SLC66A2: variants seen among roughly 807,000 people sequenced by gnomAD.
SLC66A2 encodes solute carrier family 66 member 2.
SLC66A2 carries 23 observed loss-of-function variants against 25.5 expected under a neutral mutation model. That is an observed-to-expected ratio of 0.90 (90% confidence interval 0.65 to 1.28). SLC66A2 has a LOEUF of 1.28. Ranked by LOEUF, SLC66A2 falls within the 50% of genes most tolerant of loss-of-function variation. The probability of loss-of-function intolerance (pLI) is 0.00; values close to 1 mark genes in which losing one functional copy is unlikely to be tolerated. For missense variants in SLC66A2, 396 were observed against 373.1 expected (o/e 1.06, Z -0.51); for synonymous variants, 193 against 166.5 (o/e 1.16, Z -1.23).
rs369483320 is a variant in SLC66A2 at position 79,943,382 on chromosome 18, C to T, written c.284G>A (p.Cys95Tyr). 7.4e-6 allele frequency: 12 copies of T among 1,614,202 alleles called. No homozygotes were observed. In the South Asian group the frequency reaches 1.2e-4, roughly 16 times the overall value. ...CTCGTTGGCCACACGGACCTCGGTGCACAGCTTCAGCATCAGCAGCATGGT... is the reference window on the plus strand; with the variant it reads ...CTCGTTGGCCACACGGACCTCGGTGTACAGCTTCAGCATCAGCAGCATGGT... ...ILTMLLMLKL[C>Y]TEVRVANELN... The change falls in exon 3 of 6, where the codon TGC (cysteine) becomes TAC (tyrosine). Residue 95 changes from cysteine to tyrosine, a missense_variant. Cys to Tyr is a radical substitution (Grantham distance 194). Transcript: ENST00000397778.
chr18:79,936,456 G>A lies in SLC66A2; in HGVS notation c.338-2434C>T, dbSNP rs147642753. 1.2e-3 allele frequency among the ~76,000 whole-genome samples: 180 copies of A among 152,278 alleles called. 1 individual carries two copies. The highest frequency in any genetic ancestry group is 3.9e-3 in the African/African-American group (164 of 41,542). On this transcript the variant is annotated intron_variant, in intron 3 of 5. Coordinates refer to ENST00000397778, the MANE Select transcript of SLC66A2 (RefSeq NM_025078.5). Reference sequence around the variant, plus strand: ...TGGTTTTTAGGATATCCACAGTTGTGCAAACACCATCACTATCTAATTTCA... The same window carrying A: ...TGGTTTTTAGGATATCCACAGTTGTACAAACACCATCACTATCTAATTTCA...
rs1987555938 is a variant in SLC66A2, at chr18:79,940,421, G to T, written c.337+2908C>A. 6.6e-6 allele frequency among the ~76,000 whole-genome samples: 1 copy of T among 151,930 alleles called. No homozygotes were observed. Among genetic ancestry groups the T allele is most frequent in the Admixed American group, 6.6e-5 (1 of 15,254 alleles). ...AGTTCAGGAGTTAGAGAAATAATCTGTACACTAAACCCCCGTGACAAACAA... is the reference window on the plus strand; with the variant it reads ...AGTTCAGGAGTTAGAGAAATAATCTTTACACTAAACCCCCGTGACAAACAA... On this transcript the variant is annotated intron_variant, in intron 3 of 5. Coordinates refer to ENST00000397778, the MANE Select transcript of SLC66A2 (RefSeq NM_025078.5). This position sits in a 1 kb window ranked among gnomAD's most constrained non-coding sequence, Gnocchi z 4.1.
In SLC66A2 at chr18:79,904,255, G is replaced by C. The variant is rs1244841083; in HGVS notation, c.609-72C>G. ...TGGGCTCAGTCAGTGGGGAGGCCTGGGGCTTAGACAGCGGGGAGACCTGGG... is the reference window on the plus strand; with the variant it reads ...TGGGCTCAGTCAGTGGGGAGGCCTGCGGCTTAGACAGCGGGGAGACCTGGG... On this transcript the variant is annotated intron_variant, in intron 5 of 5. Coordinates refer to ENST00000397778, the MANE Select transcript of SLC66A2 (RefSeq NM_025078.5). This position sits in a 1 kb window ranked among gnomAD's most constrained non-coding sequence, Gnocchi z 6.3. 8 of 1,387,828 alleles carry C rather than the reference G, an allele frequency of 5.8e-6. No homozygotes were observed. Among genetic ancestry groups the C allele is most frequent in the Non-Finnish European group, 8.1e-6 (8 of 983,926 alleles). 86.0% of individuals were successfully genotyped at this position (1,387,828 alleles called of 1,614,324 possible). A position where few individuals can be genotyped will look rare whatever the true frequency, so the allele number is the denominator to read the frequency against.
intron 3 of SLC66A2, among the ~76,000 whole-genome samples, chr18:79,939,337 C>T (rs1211986039): frequency 6.6e-6 from 1 of 152,128 alleles, no homozygotes; most frequent in Non-Finnish European, 1.5e-5. Context: ...ATGTCCTCAC[C>T]CTCAGGGTGA....
chr18:79,925,517 G>A (rs1340374619), intron 4 of SLC66A2, among the ~76,000 whole-genome samples: 2 of 152,192 alleles, frequency 1.3e-5, no homozygotes, highest in Admixed American at 1.3e-4. Context: ...GGCCCACCCT[G>A]GCATGCACTG....
At position 79,904,149 on chromosome 18, in the gene SLC66A2, C is replaced by T. The variant is rs769412729; in HGVS notation, c.643G>A (p.Ala215Thr). ...AGCAGGAAGTAGGCCGTCTTGAAGG[C>T]GTCACCACTGGTCCACATGAGCACC... ...KMVLMWTSGD[A>T]FKTAYFLLKG... is the part of the protein sequence containing the mutation. The change falls in exon 6 of 6, where the codon GCC (alanine) becomes ACC (threonine). Residue 215 changes from alanine (A) to threonine (T), a missense_variant. Coordinates refer to ENST00000397778, the MANE Select transcript of SLC66A2 (RefSeq NM_025078.5). The surrounding 1 kb of genome is among the most constrained non-coding windows in gnomAD (Gnocchi z 6.3). The T allele has an allele frequency of 3.0e-5, 48 of 1,612,986 alleles. No homozygotes were observed. Among genetic ancestry groups the T allele is most frequent in the Middle Eastern group, 1.7e-4 (1 of 6,058 alleles).
intron 5 of SLC66A2, among the ~76,000 whole-genome samples, chr18:79,911,200 G>A (rs961516523): frequency 3.3e-5 from 5 of 152,232 alleles, no homozygotes; most frequent in Non-Finnish European, 5.9e-5. Flanking sequence ...AGGCCCATTC[G>A]GAGCCCACCC....
At chr18:79,914,021 G>A (rs1983619386) in intron 5 of SLC66A2, among the ~76,000 whole-genome samples, 1 of 152,198 alleles carries the variant, frequency 6.6e-6, no homozygotes, top group South Asian at 2.1e-4. Flanking sequence ...TGATTCTCCT[G>A]CCTCAGCTTC....
At position 79,903,877 on chromosome 18, in the gene SLC66A2, C is replaced by T; in HGVS notation, c.*99G>A. 1 of 1,122,484 alleles carries T rather than the reference C, an allele frequency of 8.9e-7. No individual in the cohort carries two copies. The highest frequency in any genetic ancestry group is 1.3e-6 in the Non-Finnish European group (1 of 796,760). 69.5% of individuals were successfully genotyped at this position (1,122,484 alleles called of 1,614,324 possible). A position where few individuals can be genotyped will look rare whatever the true frequency, so the allele number is the denominator to read the frequency against. On this transcript the variant is annotated 3_prime_UTR_variant, in exon 6 of 6. Coordinates refer to ENST00000397778, the MANE Select transcript of SLC66A2 (RefSeq NM_025078.5). ...CCCCAATGCCCATGCCCCATCTCTG[C>T]CACACCTGCAGGGGCCACAGCACCC...
chr18:79,905,776 C>T (rs1214100107), intron 5 of SLC66A2, among the ~76,000 whole-genome samples: 1 of 152,252 alleles, frequency 6.6e-6, no homozygotes, highest in Non-Finnish European at 1.5e-5. Flanking sequence ...GGACAGGCTA[C>T]TTCCCACACA....
chr18:79,907,720 C>G (rs946116054), intron 5 of SLC66A2, among the ~76,000 whole-genome samples: 2 of 151,898 alleles, frequency 1.3e-5, no homozygotes, highest in Non-Finnish European at 1.5e-5. Context: ...ATCCTCACAC[C>G]CCTGCCCAAG....
intron 3 of SLC66A2, among the ~76,000 whole-genome samples, chr18:79,938,898 G>A (rs549199847): frequency 9.9e-5 from 15 of 152,084 alleles, no homozygotes; most frequent in African/African-American, 1.9e-4. Context: ...GGATGGTCTC[G>A]AACTCCCGAC....
rs561319145 is a variant in SLC66A2 at position 79,942,205 on chromosome 18, C to A, written c.337+1124G>T. On this transcript the variant is annotated intron_variant, in intron 3 of 5. Transcript: ENST00000397778. The stretch of plus-strand genomic sequence containing the variant: ...TACCATCTCTGGTGTAATTTCAAAC[C>A]CAAAACACAATAGAAGGGAACAGAG... Among the ~76,000 whole-genome samples, 4 of 152,254 alleles carry A rather than the reference C, an allele frequency of 2.6e-5. No homozygotes were observed. In the South Asian group the frequency reaches 8.3e-4, roughly 32 times the overall value.
chr18:79,932,551 G>A (rs1986678364), intron 4 of SLC66A2, among the ~76,000 whole-genome samples: 1 of 151,954 alleles, frequency 6.6e-6, no homozygotes, highest in Admixed American at 6.5e-5. Context: ...ACAAAAAATT[G>A]ACAAATTTTT....
intron 3 of SLC66A2, chr18:79,935,256 C>T (rs975620412): frequency 6.6e-6 from 1 of 152,318 alleles, no homozygotes; most frequent in Admixed American, 6.5e-5. Context: ...GGGAAGAAGA[C>T]ATGGTTCAGG....
At chr18:79,925,609 C>T (rs1260276492) in intron 4 of SLC66A2, among the ~76,000 whole-genome samples, 1 of 152,232 alleles carries the variant, frequency 6.6e-6, no homozygotes, top group Non-Finnish European at 1.5e-5. Context: ...CTTCCAGCAC[C>T]CCCCATGGGG....
At chr18:79,931,159 G>A (rs1986530531) in intron 4 of SLC66A2, among the ~76,000 whole-genome samples, 1 of 152,134 alleles carries the variant, frequency 6.6e-6, no homozygotes, top group Non-Finnish European at 1.5e-5. Context: ...AACAGCTAAG[G>A]GGAAAAGGCA....
intron 5 of SLC66A2, among the ~76,000 whole-genome samples, chr18:79,914,490 CCCA>C (rs1983694243): frequency 1.3e-5 from 2 of 152,136 alleles, no homozygotes; most frequent in South Asian, 4.1e-4. Flanking sequence ...GTCACTCCAG[CCCA>C]CCCCAAGGCT....
rs1264923595 is a variant in SLC66A2 at position 79,941,347 on chromosome 18, C to G, written c.337+1982G>C. 6.6e-6 allele frequency among the ~76,000 whole-genome samples: 1 copy of G among 152,200 alleles called. No individual in the cohort carries two copies. Among genetic ancestry groups the G allele is most frequent in the Non-Finnish European group, 1.5e-5 (1 of 68,040 alleles). The stretch of plus-strand genomic sequence containing the variant: ...AGATTAGGTTACACCACAGGATAAT[C>G]CAGGACCAGCCCCCTCAAGAGTCTC... On this transcript the variant is annotated intron_variant, in intron 3 of 5. Transcript: ENST00000397778. This position sits in a 1 kb window ranked among gnomAD's most constrained non-coding sequence, Gnocchi z 4.1.
Sources: allele counts gnomAD v4.1 joint callset (sites outside exome capture counted in the v4.1 genomes callset), GRCh38; gene constraint gnomAD v4.1.1; non-coding constraint Gnocchi (gnomAD v3.1); transcripts MANE v1.5; gene names NCBI Gene and HGNC (gene_info 2026-07-23, HGNC 2026-07-21).